The following NBAS variants were observed in gnomAD, a reference collection of about 807,000 sequenced individuals.
NBAS encodes NBAS subunit of NRZ tethering complex, also known as NAG/BC035112 fusion.
A neutral mutation model predicts 302.5 loss-of-function variants in NBAS; 219 were observed. The ratio of observed to expected loss-of-function variants is 0.72; its 90% CI spans 0.65 to 0.81. The LOEUF (loss-of-function observed/expected upper bound fraction) is 0.81, where lower values mean the gene tolerates loss of function less well. Among genes scored for constraint, NBAS ranks in the 30% least tolerant of loss-of-function variants. The pLI is 0.00. For missense variants in NBAS, 2,932 were observed against 2,841.6 expected (o/e 1.03, Z -0.72); for synonymous variants, 1,118 against 1,021.6 (o/e 1.09, Z -1.80).
the NBAS span, among the ~76,000 whole-genome samples, chr2:14,857,620 T>C: frequency 1.1e-4 from 16 of 152,254 alleles, no homozygotes; most frequent in Middle Eastern, 3.4e-3. Context: ...TAGATATTCA[T>C]ATGCAAAAGA....
At chr2:15,394,402 T>A (rs1363541478) in intron 27 of NBAS, 53 bp from the exon 28 acceptor site, 1 of 1,594,876 alleles carries the variant, frequency 6.3e-7, no homozygotes, top group East Asian at 2.2e-5. Context: ...AAAAAGAGTC[T>A]AAGAATCTTA....
chr2:15,398,614 G>A (rs1675994398), intron 26 of NBAS, among the ~76,000 whole-genome samples: 2 of 89,762 alleles, frequency 2.2e-5, no homozygotes, highest in Non-Finnish European at 5.5e-5. Context: ...TAGATTAAAT[G>A]AGTGATTGCT....
At chr2:15,479,296 GA>G (rs1376070104) in intron 12 of NBAS, among the ~76,000 whole-genome samples, 1 of 152,080 alleles carries the variant, frequency 6.6e-6, no homozygotes, top group Non-Finnish European at 1.5e-5. Context: ...CATAAGAAAC[GA>G]TGACTAAGTT....
the NBAS span, among the ~76,000 whole-genome samples, chr2:15,036,273 C>A: frequency 6.6e-6 from 1 of 152,188 alleles, no homozygotes; most frequent in Non-Finnish European, 1.5e-5. Context: ...TGGTATAAAA[C>A]AAATACTAGT....
At chr2:15,418,164 C>G (rs1677039924) in intron 23 of NBAS, among the ~76,000 whole-genome samples, 1 of 152,160 alleles carries the variant, frequency 6.6e-6, no homozygotes. Flanking sequence ...TAGTATCTAT[C>G]CTTTCACACT....
chr2:14,931,485 T>C, the NBAS span, among the ~76,000 whole-genome samples: 1 of 152,198 alleles, frequency 6.6e-6, no homozygotes, highest in Admixed American at 6.5e-5. Context: ...GCACCACATG[T>C]TCATGTAATG....
chr2:15,531,329 A>G (rs562537236), intron 9 of NBAS, among the ~76,000 whole-genome samples: 11 of 152,298 alleles, frequency 7.2e-5, no homozygotes, highest in African/African-American at 2.2e-4. Context: ...GCAGGTGTCA[A>G]ATCCAAACTG....
At position 15,328,213 on chromosome 2, in the gene NBAS, G is replaced by A; in HGVS notation, c.4447C>T (p.Pro1483Ser). ...GCTGTCCTTACCTCAGCGACAAAAG[G>A]ATTTGAGATGACAGATTCATAAAAA... ...HPFYESVISN[P>S]FVAESEGTYD... The change falls in exon 37 of 52, where the codon CCT becomes TCT. Residue 1483 changes from proline to serine, a missense_variant. By Grantham distance (74) the Pro-to-Ser change is moderately conservative. Coordinates refer to ENST00000281513, the MANE Select transcript of NBAS (RefSeq NM_015909.4). The A allele has an allele frequency of 6.2e-7, 1 of 1,613,528 alleles. No individual in the cohort carries two copies. The highest frequency in any genetic ancestry group is 8.5e-7 in the Non-Finnish European group (1 of 1,179,628).
intron 35 of NBAS, among the ~76,000 whole-genome samples, chr2:15,338,736 G>A (rs114180521): frequency 0.016 from 2,454 of 150,742 alleles, 72 homozygotes; most frequent in African/African-American, 0.056. Context: ...CTGGCCAGGT[G>A]CAGTGGCTCA....
chr2:15,513,105 C>T (rs1662219786), intron 9 of NBAS, among the ~76,000 whole-genome samples: 1 of 152,178 alleles, frequency 6.6e-6, no homozygotes, highest in Non-Finnish European at 1.5e-5. Context: ...TGTAGCCCAA[C>T]TCAAAATCTC....
chr2:15,354,639 T>C (rs532177584), intron 33 of NBAS, among the ~76,000 whole-genome samples: 42 of 152,352 alleles, frequency 2.8e-4, no homozygotes, highest in African/African-American at 9.9e-4. Flanking sequence ...TTGTAATATA[T>C]TGAATCATTT....
At chr2:14,979,140 G>T in the NBAS span, among the ~76,000 whole-genome samples, 2 of 152,128 alleles carry the variant, frequency 1.3e-5, no homozygotes, top group African/African-American at 2.4e-5. Flanking sequence ...AATCCTCAGG[G>T]CGTGTTTGGA....
intron 38 of NBAS, among the ~76,000 whole-genome samples, chr2:15,314,521 C>G (rs901419013): frequency 2.6e-5 from 4 of 152,180 alleles, no homozygotes; most frequent in Admixed American, 2.6e-4. Flanking sequence ...CAAGCTCCTG[C>G]CCGTGCCATG....
the NBAS span, among the ~76,000 whole-genome samples, chr2:14,954,237 C>A: frequency 6.6e-6 from 1 of 152,116 alleles, no homozygotes; most frequent in Non-Finnish European, 1.5e-5. Flanking sequence ...CCAGGATGTG[C>A]TAAAATGAAT....
At chr2:15,098,354 G>GATATATTGTATACTATATATC in the NBAS span, among the ~76,000 whole-genome samples, 8 of 6,180 alleles carry the variant, frequency 1.3e-3, 1 homozygote, top group Admixed American at 7.1e-3. Flanking sequence ...TATAATATAT[G>GATATATTGTATACTATATATC]ATATATTGTA....
intron 35 of NBAS, among the ~76,000 whole-genome samples, chr2:15,338,413 A>C (rs1166576276): frequency 6.6e-6 from 1 of 152,178 alleles, no homozygotes; most frequent in East Asian, 1.9e-4. Flanking sequence ...CAAAATACTA[A>C]GCATGCAATC....
chr2:15,290,089 G>GGGAGAGGGGAGAGA (rs1313565827), intron 41 of NBAS, among the ~76,000 whole-genome samples: 1 of 149,492 alleles, frequency 6.7e-6, no homozygotes, highest in Non-Finnish European at 1.5e-5. Context: ...GAGAGTAGAG[G>GGGAGAGGGGAGAGA]GGAGAGGGGA....
At chr2:14,896,482 G>C in the NBAS span, among the ~76,000 whole-genome samples, 6 of 151,944 alleles carry the variant, frequency 3.9e-5, no homozygotes, top group Admixed American at 1.3e-4. Flanking sequence ...TCCTTCCTCC[G>C]TGTTATGGGG....
chr2:15,108,931 C>G, the NBAS span, among the ~76,000 whole-genome samples: 67 of 152,142 alleles, frequency 4.4e-4, no homozygotes, highest in Middle Eastern at 3.4e-3. Flanking sequence ...TGCACACAGG[C>G]TTCAGAAATC....
Sources: gnomAD v4.1 joint callset for allele counts (sites outside exome capture counted in the v4.1 genomes callset) on GRCh38, gnomAD v4.1.1 for gene constraint, MANE v1.5 for transcripts, NCBI Gene and HGNC (gene_info 2026-07-23, HGNC 2026-07-21) for gene names.